The following MYEF2 variants were observed in gnomAD, a reference collection of about 807,000 sequenced individuals.
The protein encoded by MYEF2 is myelin expression factor 2.
MYEF2 carries 37 observed loss-of-function variants against 75.2 expected under a neutral mutation model. That is an observed-to-expected ratio of 0.49 (90% confidence interval 0.38 to 0.65). The LOEUF (loss-of-function observed/expected upper bound fraction) is 0.65. Ranked by LOEUF, MYEF2 falls within the 30% of genes least tolerant of loss-of-function variation. The pLI, the probability that MYEF2 is intolerant of heterozygous loss-of-function variation, is 0.00. For synonymous variants in MYEF2, 195 were observed against 241.6 expected, an observed-to-expected ratio of 0.81 and a Z score of 1.79; for missense variants, 634 against 771.4, an observed-to-expected ratio of 0.82 and a Z score of 2.11.
Position 48,142,917 on chromosome 15 carries a change from A to G in MYEF2, c.1794T>C (p.Arg598=). The G allele has an allele frequency of 6.3e-7, 1 of 1,590,632 alleles. No homozygotes were observed. Among genetic ancestry groups the G allele is most frequent in the Non-Finnish European group, 8.5e-7 (1 of 1,170,068 alleles). ...SGREIDVRLD[R]NA Reference sequence around the variant, plus strand: ...CAACCATGGCTTGAAATTATGCATTACGATCCAAGCGAACATCAATTTCTC... The same window carrying G: ...CAACCATGGCTTGAAATTATGCATTGCGATCCAAGCGAACATCAATTTCTC... Residue 598 remains arginine (R), a synonymous_variant, in exon 17 of 17, where the codon CGT becomes CGC. Transcript: ENST00000324324.
chr15:48,164,877 T>A (rs950632827), intron 5 of MYEF2, among the ~76,000 whole-genome samples: 3 of 152,198 alleles, frequency 2.0e-5, no homozygotes, highest in Admixed American at 1.3e-4. Context: ...TTAAACAGAA[T>A]ATAGTATAAA....
At chr15:48,171,472 T>C (rs1410777658) in intron 1 of MYEF2, among the ~76,000 whole-genome samples, 2 of 148,198 alleles carry the variant, frequency 1.3e-5, no homozygotes, top group Admixed American at 1.4e-4. Flanking sequence ...TTCTTTAAAA[T>C]ATTTACTCAA....
intron 10 of MYEF2, 82 bp downstream of exon 10, chr15:48,153,710 T>C: frequency 8.8e-7 from 1 of 1,137,768 alleles, no homozygotes; most frequent in Non-Finnish European, 1.3e-6. Flanking sequence ...CCTTTAAACA[T>C]TATTACAGAC....
At position 48,142,274 on chromosome 15, in the gene MYEF2, T is replaced by C. The variant is rs751959781; in HGVS notation, c.*634A>G. ...GGGAATAGTCTGCCTATTATCATAC[T>C]TGGGGCTTGCTACATTATCAGTTCT... On this transcript the variant is annotated 3_prime_UTR_variant, in exon 17 of 17. Coordinates refer to ENST00000324324, the MANE Select transcript of MYEF2 (RefSeq NM_016132.5). 1 of 1,613,796 alleles carries C rather than the reference T, an allele frequency of 6.2e-7. No homozygotes were observed. The highest frequency in any genetic ancestry group is 1.1e-5 in the South Asian group (1 of 91,068).
chr15:48,166,908 A>G (rs967137607), intron 3 of MYEF2, among the ~76,000 whole-genome samples: 6 of 152,058 alleles, frequency 3.9e-5, no homozygotes, highest in African/African-American at 1.4e-4. Flanking sequence ...TGGTCAGAGC[A>G]CTGCCTCTCA....
chr15:48,174,738 G>A (rs2040456327), intron 1 of MYEF2, among the ~76,000 whole-genome samples: 1 of 152,030 alleles, frequency 6.6e-6, no homozygotes. Flanking sequence ...AAACCAGACT[G>A]CAATATCACT....
At chr15:48,162,743 A>G (rs1454167704) in intron 5 of MYEF2, 1 of 152,084 alleles carries the variant, frequency 6.6e-6, no homozygotes, top group Non-Finnish European at 1.5e-5. Flanking sequence ...ATTATCTGTT[A>G]TGGTGATCTG....
At chr15:48,162,862 C>A (rs981337813) in intron 5 of MYEF2, 1 of 152,304 alleles carries the variant, frequency 6.6e-6, no homozygotes, top group Admixed American at 6.5e-5. Flanking sequence ...CGACCAGCCG[C>A]TCCCCATCTC....
Position 48,165,933 on chromosome 15 carries a change from C to A in MYEF2, c.525G>T (p.Glu175Asp). 6.6e-7 allele frequency: 1 copy of A among 1,504,614 alleles called. No homozygotes were observed. The highest frequency in any genetic ancestry group is 1.2e-5 in the South Asian group (1 of 80,736). The allele number at this position is 1,504,614 out of a possible 1,614,324, so 93.2% of individuals were successfully genotyped here. The change falls in exon 5 of 17, where the codon GAG becomes GAT. Residue 175 changes from glutamate to aspartate, a missense_variant and splice_region_variant. Glu to Asp is a conservative substitution (Grantham distance 45, BLOSUM62 2). Transcript: ENST00000324324. Reference sequence around the variant, plus strand: ...AAATTCTAAATATGAGAAATCTTACCTCTTTAATATTAAGGGGTCTTCCAC... The same window carrying A: ...AAATTCTAAATATGAGAAATCTTACATCTTTAATATTAAGGGGTCTTCCAC... ...DLSGRPLNIK[E>D]DPDGENARRA...
intron 9 of MYEF2, 190 bp downstream of exon 9, chr15:48,157,803 A>G: frequency 7.6e-7 from 1 of 1,316,296 alleles, no homozygotes; most frequent in Non-Finnish European, 9.7e-7. Flanking sequence ...CCAAAGAGAA[A>G]AAAAAAATGG....
intron 16 of MYEF2, among the ~76,000 whole-genome samples, chr15:48,147,983 C>G (rs2039352412): frequency 6.6e-6 from 1 of 151,902 alleles, no homozygotes; most frequent in Non-Finnish European, 1.5e-5. Context: ...CAATTCTTGC[C>G]TTCAAGAGCT....
chr15:48,134,833 G>A lies in MYEF2; in HGVS notation c.*8075C>T. 2.2e-6 allele frequency: 3 copies of A among 1,343,238 alleles called. No individual in the cohort carries two copies. Among genetic ancestry groups the A allele is most frequent in the Non-Finnish European group, 3.2e-6 (3 of 947,018 alleles). 83.2% of individuals were successfully genotyped at this position (1,343,238 alleles called of 1,614,324 possible). ...CAATTTTAGTATTATACTAAGGATT[G>A]TACTTGAAGAAGTTACAATGTAATG... On this transcript the variant is annotated 3_prime_UTR_variant, in exon 17 of 17. Coordinates refer to ENST00000324324, the MANE Select transcript of MYEF2 (RefSeq NM_016132.5).
chr15:48,156,524 G>A (rs1261725525), intron 9 of MYEF2, among the ~76,000 whole-genome samples: 2 of 150,568 alleles, frequency 1.3e-5, no homozygotes, highest in Admixed American at 6.6e-5. Flanking sequence ...AAAAAAGACA[G>A]AAAATATAAA....
Position 48,159,783 on chromosome 15 carries a change from G to C in MYEF2, c.547C>G (p.Arg183Gly). Residue 183 changes from arginine to glycine, a missense_variant, in exon 6 of 17, where the codon CGT (arginine) becomes GGT (glycine). Physicochemically the swap from Arg to Gly is moderately radical, Grantham distance 125. Transcript: ENST00000324324. ...CCTCCTGTTCGCTGCAATGCCCTACGAGCATTTTCTCCATCAGGATCCTAT... is the reference window on the plus strand; with the variant it reads ...CCTCCTGTTCGCTGCAATGCCCTACCAGCATTTTCTCCATCAGGATCCTAT... The part of the protein sequence containing the change: ...IKEDPDGENA[R>G]RALQRTGGSF... 2.5e-6 allele frequency: 4 copies of C among 1,612,766 alleles called. No homozygotes were observed. Among genetic ancestry groups the C allele is most frequent in the Non-Finnish European group, 3.4e-6 (4 of 1,179,450 alleles).
Position 48,168,820 on chromosome 15 carries a change from T to C in MYEF2, c.181A>G (p.Lys61Glu), listed in dbSNP as rs1465301310. Residue 61 changes from lysine (K) to glutamate (E), a missense_variant, in exon 2 of 17, where the codon AAA becomes GAA. Physicochemically the swap from Lys to Glu is moderately conservative, Grantham distance 56 (BLOSUM62 1). Coordinates refer to ENST00000324324, the MANE Select transcript of MYEF2 (RefSeq NM_016132.5). ...GVKMENDESA[K>E]EEKSDLKEKS... ...TCCTTTAAGTCAGATTTCTCTTCTT[T>C]TGCTGATTCATCATTCTCCCTGTGA... is the stretch of plus-strand genomic sequence containing the variant. The C allele has an allele frequency of 1.2e-6, 2 of 1,612,532 alleles. 1 individual carries two copies. Among genetic ancestry groups the C allele is most frequent in the African/African-American group, 2.7e-5 (2 of 74,850 alleles).
intron 1 of MYEF2, among the ~76,000 whole-genome samples, chr15:48,172,400 C>CAAAAAAAAAAAAAAAAAA (rs1226662209): frequency 1.2e-5 from 1 of 84,978 alleles, no homozygotes. Flanking sequence ...GACTCTGTAT[C>CAAAAAAAAAAAAAAAAAA]AAAAAAAAAA....
At chr15:48,157,704 T>C (rs2039755396) in intron 9 of MYEF2, 12 of 1,061,466 alleles carry the variant, frequency 1.1e-5, no homozygotes, top group Non-Finnish European at 1.4e-5. Flanking sequence ...TACCCACAGA[T>C]GGTGAAATTA....
chr15:48,161,571 C>T (rs969994529), intron 5 of MYEF2, among the ~76,000 whole-genome samples: 1 of 151,486 alleles, frequency 6.6e-6, no homozygotes, highest in Non-Finnish European at 1.5e-5. Context: ...TGGCGGCATC[C>T]TCTTTCAACT....
rs2039130810 is a variant in MYEF2, at chr15:48,142,642, AAAC to A, written c.*263_*265del. 4 of 447,926 alleles carry A rather than the reference AAAC, an allele frequency of 8.9e-6. No individual in the cohort carries two copies. The highest frequency in any genetic ancestry group is 4.6e-5 in the South Asian group (1 of 21,618). 27.7% of individuals were successfully genotyped at this position (447,926 alleles called of 1,614,324 possible). On this transcript the variant is annotated 3_prime_UTR_variant, in exon 17 of 17. Transcript: ENST00000324324. ...AACAAATCCAACTATGTAGTACTGA[AAAC>A]AACAAGAAAATGGCTTATTTCATTA...
Sources: allele counts gnomAD v4.1 joint callset (sites outside exome capture counted in the v4.1 genomes callset), GRCh38; gene constraint gnomAD v4.1.1; transcripts MANE v1.5; gene names NCBI Gene and HGNC (gene_info 2026-07-23, HGNC 2026-07-21).